The following PEPD variants were observed in gnomAD, a reference collection of about 807,000 sequenced individuals.
The protein encoded by PEPD is peptidase D.
PEPD carries 53 observed loss-of-function variants against 60.7 expected under a neutral mutation model. The ratio of observed to expected loss-of-function variants is 0.87; its 90% CI spans 0.70 to 1.10. PEPD has a LOEUF of 1.10. Ranked by LOEUF, PEPD falls within the 50% of genes least tolerant of loss-of-function variation. The pLI is 0.00. For synonymous variants in PEPD, 267 were observed against 284.1 expected, an observed-to-expected ratio of 0.94 and a Z score of 0.60; for missense variants, 711 against 711.9, an observed-to-expected ratio of 1.00 and a Z score of 0.01.
At chr19:33,407,431 G>A (rs1351268566) in intron 11 of PEPD, among the ~76,000 whole-genome samples, 3 of 152,182 alleles carry the variant, frequency 2.0e-5, no homozygotes, top group African/African-American at 4.8e-5. Context: ...AGCACATGGG[G>A]GCTCAGAAGA....
chr19:33,390,472 A>G (rs1258180532), intron 13 of PEPD, among the ~76,000 whole-genome samples: 2 of 152,188 alleles, frequency 1.3e-5, no homozygotes, highest in Non-Finnish European at 2.9e-5. Context: ...AATCATTCTT[A>G]GTGCTTTCAA....
At chr19:33,476,410 C>T (rs1262914593) in intron 7 of PEPD, among the ~76,000 whole-genome samples, 2 of 152,244 alleles carry the variant, frequency 1.3e-5, no homozygotes, top group South Asian at 4.1e-4. Flanking sequence ...CAGTTGTCCC[C>T]ATCTCAGTGA....
rs369717416 is a variant in PEPD, at chr19:33,429,645, G to C, written c.672-16002C>G. On this transcript the variant is annotated intron_variant, in intron 9 of 14. Coordinates refer to ENST00000244137, the MANE Select transcript of PEPD (RefSeq NM_000285.4). ...ATAACTGGATTATATTGAGGTAGTA[G>C]AAAAAGCAATTTCGCAAAGGCATAA... is the stretch of plus-strand genomic sequence containing the variant. Among the ~76,000 whole-genome samples the C allele has an allele frequency of 7.2e-5, 11 of 152,274 alleles. No individual in the cohort carries two copies. The East Asian group carries it at 1.7e-3, about 24-fold the overall frequency.
intron 7 of PEPD, among the ~76,000 whole-genome samples, chr19:33,466,172 T>C (rs930451359): frequency 2.6e-5 from 4 of 152,184 alleles, no homozygotes; most frequent in Non-Finnish European, 5.9e-5. Flanking sequence ...ATAGGAAGCT[T>C]AAAGCTCTTA....
intron 12 of PEPD, among the ~76,000 whole-genome samples, chr19:33,399,983 G>T (rs1386804308): frequency 6.6e-6 from 1 of 152,060 alleles, no homozygotes; most frequent in East Asian, 1.9e-4. Context: ...GCAGAGCTGG[G>T]GCTGGGCTCG....
At position 33,397,697 on chromosome 19, in the gene PEPD, G is replaced by A. The variant is rs574201001; in HGVS notation, c.967+4024C>T. Among the ~76,000 whole-genome samples the A allele has an allele frequency of 9.1e-4, 139 of 152,012 alleles. 2 individuals are homozygous for A. Among genetic ancestry groups the A allele is most frequent in the African/African-American group, 3.0e-3 (124 of 41,502 alleles). On this transcript the variant is annotated intron_variant, in intron 12 of 14. Transcript: ENST00000244137. ...TCTGGGCAGCAAAGCCCAGTGGTGGGTGGGAGCGGGGCTGGGGGAGGACCT... is the reference window on the plus strand; with the variant it reads ...TCTGGGCAGCAAAGCCCAGTGGTGGATGGGAGCGGGGCTGGGGGAGGACCT...
chr19:33,451,562 G>C (rs915101590), intron 9 of PEPD, among the ~76,000 whole-genome samples: 3 of 152,088 alleles, frequency 2.0e-5, no homozygotes, highest in African/African-American at 7.2e-5. Flanking sequence ...CACAAAATAA[G>C]GCTGTAGAAA....
chr19:33,407,573 C>T (rs767358345), intron 11 of PEPD, among the ~76,000 whole-genome samples: 3 of 152,228 alleles, frequency 2.0e-5, no homozygotes, highest in Non-Finnish European at 4.4e-5. Flanking sequence ...TCTCAGGCAC[C>T]TCAATCTGTG....
chr19:33,484,470 C>T (rs773082349), intron 6 of PEPD, among the ~76,000 whole-genome samples: 7 of 152,196 alleles, frequency 4.6e-5, no homozygotes, highest in Non-Finnish European at 8.8e-5. Flanking sequence ...GACAGGCATA[C>T]GCTTGGAAAA....
intron 4 of PEPD, among the ~76,000 whole-genome samples, chr19:33,495,430 G>A (rs570522689): frequency 4.6e-5 from 7 of 151,382 alleles, no homozygotes; most frequent in South Asian, 4.2e-4. Flanking sequence ...CCCAGGAGGC[G>A]GCAGCTGCAG....
intron 9 of PEPD, among the ~76,000 whole-genome samples, chr19:33,425,394 C>A (rs952603326): frequency 6.6e-6 from 1 of 152,134 alleles, no homozygotes; most frequent in Non-Finnish European, 1.5e-5. Context: ...CTCTAAGGAA[C>A]GCTGGCACCC....
intron 9 of PEPD, among the ~76,000 whole-genome samples, chr19:33,430,925 A>C (rs1969258007): frequency 6.6e-6 from 1 of 152,108 alleles, no homozygotes. Context: ...AAGGAACCAC[A>C]GTGTATCTCT....
At chr19:33,425,144 T>G (rs1033512339) in intron 9 of PEPD, among the ~76,000 whole-genome samples, 2 of 151,834 alleles carry the variant, frequency 1.3e-5, no homozygotes, top group Admixed American at 6.6e-5. Flanking sequence ...CCGAGGCGGG[T>G]GGATCACTTG....
At chr19:33,495,497 T>C (rs1432899112) in intron 4 of PEPD, among the ~76,000 whole-genome samples, 2 of 146,914 alleles carry the variant, frequency 1.4e-5, no homozygotes, top group African/African-American at 5.0e-5. Flanking sequence ...CGAGACTCTG[T>C]CTCAAAAAAA....
At chr19:33,453,718 C>A (rs1284107842) in intron 9 of PEPD, among the ~76,000 whole-genome samples, 3 of 152,192 alleles carry the variant, frequency 2.0e-5, no homozygotes, top group African/African-American at 7.2e-5. Context: ...GCCGCAATAT[C>A]TCTGAGGTAT....
chr19:33,469,298 C>A (rs1396291523), intron 7 of PEPD, among the ~76,000 whole-genome samples: 1 of 152,188 alleles, frequency 6.6e-6, no homozygotes, highest in East Asian at 1.9e-4. Context: ...CTGAGCACTG[C>A]CAGGGGAAGT....
chr19:33,501,213 G>C (rs967679543), intron 3 of PEPD, among the ~76,000 whole-genome samples: 5 of 152,140 alleles, frequency 3.3e-5, no homozygotes, highest in Non-Finnish European at 4.4e-5. Flanking sequence ...CTGAACCACA[G>C]CTGCTTTCCT....
At chr19:33,402,377 C>T (rs1039028347) in intron 11 of PEPD, among the ~76,000 whole-genome samples, 21 of 152,062 alleles carry the variant, frequency 1.4e-4, no homozygotes, top group Admixed American at 3.9e-4. Flanking sequence ...GCAGGGACCC[C>T]GGATGGGATG....
rs917251866 is a variant in PEPD, at chr19:33,396,332, C to T, written c.968-4853G>A. Among the ~76,000 whole-genome samples the T allele has an allele frequency of 3.3e-5, 5 of 152,246 alleles. No individual in the cohort carries two copies. The East Asian group carries it at 7.7e-4, about 24-fold the overall frequency. On this transcript the variant is annotated intron_variant, in intron 12 of 14. Coordinates refer to ENST00000244137, the MANE Select transcript of PEPD (RefSeq NM_000285.4). ...AGCTGGCAGAGGTGCCCCCTGACCA[C>T]GGGGCCACAGGAGACACATGCCAGG...
Sources: allele counts gnomAD v4.1 joint callset (sites outside exome capture counted in the v4.1 genomes callset), GRCh38; gene constraint gnomAD v4.1.1; transcripts MANE v1.5; gene names NCBI Gene and HGNC (gene_info 2026-07-23, HGNC 2026-07-21).